FSIP1: variants seen among roughly 807,000 people sequenced by gnomAD.
FSIP1 encodes the protein fibrous sheath interacting protein 1, also known as fibrous sheath-interacting protein 1.
FSIP1 carries 65 observed loss-of-function variants against 60.9 expected under a neutral mutation model. The ratio of observed to expected loss-of-function variants is 1.07; its 90% CI spans 0.87 to 1.31. The LOEUF (loss-of-function observed/expected upper bound fraction) is 1.31, where lower values mean the gene tolerates loss of function less well. FSIP1 is among the 40% of genes most tolerant of loss of function. FSIP1 has a pLI of 0.00. For synonymous variants in FSIP1, 209 were observed against 221.2 expected (o/e 0.94, Z 0.49); for missense variants, 675 against 665.5 (o/e 1.01, Z -0.16).
intron 5 of FSIP1, among the ~76,000 whole-genome samples, chr15:39,748,707 T>A (rs1379797209): frequency 6.6e-6 from 1 of 152,090 alleles, no homozygotes; most frequent in Non-Finnish European, 1.5e-5. Flanking sequence ...ATGCCTACAT[T>A]ATAAAAGAAG....
At chr15:39,772,377 C>T (rs1897917319) in intron 2 of FSIP1, among the ~76,000 whole-genome samples, 1 of 152,106 alleles carries the variant, frequency 6.6e-6, no homozygotes, top group African/African-American at 2.4e-5. Context: ...ACTGCAGCCT[C>T]GACCTCCTGG....
Position 39,723,588 on chromosome 15 carries a change from T to C in FSIP1, c.1050+3001A>G, listed in dbSNP as rs778260397. 1.3e-4 allele frequency among the ~76,000 whole-genome samples: 20 copies of C among 152,248 alleles called. No homozygotes were observed. The East Asian group carries it at 1.3e-3, about 10-fold the overall frequency. On this transcript the variant is annotated intron_variant, in intron 9 of 11. Transcript: ENST00000350221. Reference sequence around the variant, plus strand: ...TTGCCTGATTCATCTTTAAGTTCTGTAAAATTCCTTACATCCAGGAGCACT... The same window carrying C: ...TTGCCTGATTCATCTTTAAGTTCTGCAAAATTCCTTACATCCAGGAGCACT...
intron 8 of FSIP1, among the ~76,000 whole-genome samples, chr15:39,736,036 AC>A (rs1199462437): frequency 6.6e-6 from 1 of 152,204 alleles, no homozygotes; most frequent in Non-Finnish European, 1.5e-5. Flanking sequence ...AAGCTGTCTT[AC>A]AATTCACTTT....
At chr15:39,780,031 C>T (rs1898196098) in intron 1 of FSIP1, among the ~76,000 whole-genome samples, 1 of 152,086 alleles carries the variant, frequency 6.6e-6, no homozygotes, top group Admixed American at 6.5e-5. Context: ...GCAGAAAAAA[C>T]ATCAAATAAT....
At chr15:39,662,481 T>C (rs1893336815) in intron 10 of FSIP1, among the ~76,000 whole-genome samples, 1 of 152,144 alleles carries the variant, frequency 6.6e-6, no homozygotes, top group South Asian at 2.1e-4. Context: ...GTAACAGATG[T>C]TCTGGAAATT....
intron 9 of FSIP1, among the ~76,000 whole-genome samples, chr15:39,716,605 T>C (rs1895747284): frequency 6.6e-6 from 1 of 151,976 alleles, no homozygotes; most frequent in Admixed American, 6.6e-5. Context: ...GCATGACAAA[T>C]AAGAACATGA....
chr15:39,635,982 C>T (rs766117400), intron 10 of FSIP1, among the ~76,000 whole-genome samples: 1 of 152,018 alleles, frequency 6.6e-6, no homozygotes, highest in Non-Finnish European at 1.5e-5. Flanking sequence ...CTCTTAGGCT[C>T]TTGTTGAAGA....
chr15:39,670,174 T>C (rs1310826285), intron 10 of FSIP1, among the ~76,000 whole-genome samples: 1 of 152,198 alleles, frequency 6.6e-6, no homozygotes, highest in Non-Finnish European at 1.5e-5. Flanking sequence ...CTAAATAATA[T>C]GACCACTGAA....
intron 5 of FSIP1, among the ~76,000 whole-genome samples, chr15:39,755,133 T>C (rs1897263376): frequency 6.6e-6 from 1 of 152,100 alleles, no homozygotes; most frequent in East Asian, 1.9e-4. Flanking sequence ...TCAATGGCTT[T>C]TTGATTCTGT....
At chr15:39,730,096 C>A (rs1189990570) in intron 8 of FSIP1, among the ~76,000 whole-genome samples, 1 of 149,308 alleles carries the variant, frequency 6.7e-6, no homozygotes, top group African/African-American at 2.5e-5. Context: ...TTTGTTGTGG[C>A]CTTACCAGAA....
At chr15:39,750,473 A>C (rs189837927) in intron 5 of FSIP1, among the ~76,000 whole-genome samples, 13 of 152,136 alleles carry the variant, frequency 8.5e-5, no homozygotes, top group African/African-American at 3.1e-4. Context: ...CAAATCCCAA[A>C]AATAAATCCA....
intron 8 of FSIP1, among the ~76,000 whole-genome samples, chr15:39,728,899 AAATTAATAAGCAAAGAGC>A (rs1896299882): frequency 6.6e-6 from 1 of 152,228 alleles, no homozygotes; most frequent in Admixed American, 6.5e-5. Flanking sequence ...GAACTTAAAC[AAATTAATAAGCAAAGAGC>A]AAAGTAGGCA....
chr15:39,706,920 T>C lies in FSIP1; in HGVS notation c.1188+6524A>G, dbSNP rs529083862. On this transcript the variant is annotated intron_variant, in intron 10 of 11. Coordinates refer to ENST00000350221, the MANE Select transcript of FSIP1 (RefSeq NM_152597.5). ...TCTTTTCAAGATACATAGACCTATC[T>C]CATTCTTTTGATAGGCAGATGGTAT... Among the ~76,000 whole-genome samples, 31 of 152,344 alleles carry C rather than the reference T, an allele frequency of 2.0e-4. 1 individual carries two copies. Among genetic ancestry groups the C allele is most frequent in the Admixed American group, 9.2e-4 (14 of 15,298 alleles).
intron 11 of FSIP1, among the ~76,000 whole-genome samples, chr15:39,616,982 G>A (rs1484207558): frequency 6.6e-6 from 1 of 152,188 alleles, no homozygotes; most frequent in Non-Finnish European, 1.5e-5. Flanking sequence ...TGATGACTCA[G>A]ATTTTGCTCC....
chr15:39,669,052 C>T (rs1012594776), intron 10 of FSIP1, among the ~76,000 whole-genome samples: 1 of 152,190 alleles, frequency 6.6e-6, no homozygotes, highest in African/African-American at 2.4e-5. Context: ...AGAGGTGCCA[C>T]TCCATGCCCT....
In FSIP1 at chr15:39,607,656, T is replaced by C. The variant is rs529565579; in HGVS notation, c.1700-6730A>G. Among the ~76,000 whole-genome samples, 3 of 152,346 alleles carry C rather than the reference T, an allele frequency of 2.0e-5. No individual in the cohort carries two copies. The East Asian group carries it at 5.8e-4, about 29-fold the overall frequency. ...TTTTCAATACCACCATTTAAATTGG[T>C]CTTCAAGGTCACTGAGTTTGGTTTT... On this transcript the variant is annotated intron_variant, in intron 11 of 11. Coordinates refer to ENST00000350221, the MANE Select transcript of FSIP1 (RefSeq NM_152597.5).
chr15:39,663,506 G>A (rs993939895), intron 10 of FSIP1, among the ~76,000 whole-genome samples: 2 of 152,072 alleles, frequency 1.3e-5, no homozygotes, highest in East Asian at 1.9e-4. Flanking sequence ...GTAAAGGGAA[G>A]GTAATGAAAA....
At chr15:39,707,459 T>C (rs1386120524) in intron 10 of FSIP1, among the ~76,000 whole-genome samples, 2 of 152,116 alleles carry the variant, frequency 1.3e-5, no homozygotes, top group African/African-American at 4.8e-5. Context: ...CTGCCTTTCT[T>C]GGCCCACCCT....
At chr15:39,680,760 A>T (rs1894128916) in intron 10 of FSIP1, among the ~76,000 whole-genome samples, 2 of 152,240 alleles carry the variant, frequency 1.3e-5, no homozygotes, top group Admixed American at 1.3e-4. Context: ...AACAATTATT[A>T]GTCAAAATAA....
Sources: allele counts gnomAD v4.1 joint callset (sites outside exome capture counted in the v4.1 genomes callset), GRCh38; gene constraint gnomAD v4.1.1; transcripts MANE v1.5; gene names NCBI Gene and HGNC (gene_info 2026-07-23, HGNC 2026-07-21).